The following FAM83B variants were observed in gnomAD, a reference collection of about 807,000 sequenced individuals.
FAM83B encodes the protein protein FAM83B.
In FAM83B, 26 loss-of-function variants were observed where a neutral mutation model predicts 38.8. That is an observed-to-expected ratio of 0.67 (90% CI 0.49 to 0.93). The LOEUF (loss-of-function observed/expected upper bound fraction) is 0.93. Ranked by LOEUF, FAM83B falls within the 40% of genes least tolerant of loss-of-function variation. FAM83B has a pLI of 0.00. For missense variants in FAM83B, 1,237 were observed against 1,197.3 expected (o/e 1.03, Z -0.49); for synonymous variants, 419 against 423.1 (o/e 0.99, Z 0.12).
intron 4 of FAM83B, among the ~76,000 whole-genome samples, chr6:54,938,887 T>C (rs1773586204): frequency 6.6e-6 from 1 of 152,308 alleles, no homozygotes; most frequent in East Asian, 1.9e-4. Context: ...TATTTTTCTC[T>C]GTTTTTGTTG....
intron 2 of FAM83B, among the ~76,000 whole-genome samples, chr6:54,901,356 T>TA (rs1261509909): frequency 2.6e-5 from 4 of 152,114 alleles, no homozygotes; most frequent in Admixed American, 6.6e-5. Flanking sequence ...TCTCACGATT[T>TA]AAAAAAACAA....
intron 1 of FAM83B, among the ~76,000 whole-genome samples, chr6:54,868,796 C>T (rs1771777923): frequency 6.6e-6 from 1 of 152,078 alleles, no homozygotes; most frequent in African/African-American, 2.4e-5. Flanking sequence ...AGAACATGTT[C>T]TATTTTTATT....
chr6:54,936,635 G>T (rs1392175364), intron 4 of FAM83B, among the ~76,000 whole-genome samples: 1 of 151,130 alleles, frequency 6.6e-6, no homozygotes, highest in Non-Finnish European at 1.5e-5. Flanking sequence ...TATATAGTAT[G>T]TTTTCTGTGT....
intron 2 of FAM83B, among the ~76,000 whole-genome samples, chr6:54,922,309 A>G (rs1773190041): frequency 6.6e-6 from 1 of 152,076 alleles, no homozygotes; most frequent in Non-Finnish European, 1.5e-5. Flanking sequence ...CATGTTGTAC[A>G]ATACTGTTTC....
At chr6:54,883,577 C>T (rs1772193446) in intron 2 of FAM83B, among the ~76,000 whole-genome samples, 1 of 151,702 alleles carries the variant, frequency 6.6e-6, no homozygotes, top group South Asian at 2.1e-4. Context: ...CTCAGGTGAT[C>T]TGCCCTCCTT....
At chr6:54,859,753 A>C (rs1771532549) in intron 1 of FAM83B, among the ~76,000 whole-genome samples, 1 of 152,208 alleles carries the variant, frequency 6.6e-6, no homozygotes, top group Non-Finnish European at 1.5e-5. Context: ...GTCTGTACCC[A>C]TATGGCTTTA....
At chr6:54,907,176 C>A (rs972155081) in intron 2 of FAM83B, among the ~76,000 whole-genome samples, 2 of 152,076 alleles carry the variant, frequency 1.3e-5, no homozygotes, top group Non-Finnish European at 2.9e-5. Flanking sequence ...CGTATTCCAG[C>A]CTCTTTTGTT....
At chr6:54,867,556 G>A (rs1048690786) in intron 1 of FAM83B, among the ~76,000 whole-genome samples, 2 of 151,952 alleles carry the variant, frequency 1.3e-5, no homozygotes, top group African/African-American at 2.4e-5. Flanking sequence ...TTTCTGTGTG[G>A]TATCTGGCTA....
At chr6:54,891,558 T>C (rs1389047043) in intron 2 of FAM83B, among the ~76,000 whole-genome samples, 1 of 152,302 alleles carries the variant, frequency 6.6e-6, no homozygotes, top group South Asian at 2.1e-4. Flanking sequence ...GTGGCCTGTC[T>C]TCTGAACATT....
Position 54,941,326 on chromosome 6 carries a change from G to C in FAM83B, c.2355G>C (p.Lys785Asn). ...CATTACTTAGCCTTACCCCAGATAAGAAAGAAAATCTATCCAAAAATAAAG... is the reference window on the plus strand; with the variant it reads ...CATTACTTAGCCTTACCCCAGATAACAAAGAAAATCTATCCAAAAATAAAG... ...LRSLLSLTPD[K>N]KENLSKNKAP... Residue 785 changes from lysine (K) to asparagine (N), a missense_variant, in exon 5 of 5, where the codon AAG becomes AAC. Lys to Asn is a moderately conservative substitution (Grantham distance 94). Transcript: ENST00000306858. 1 of 1,612,432 alleles carries C rather than the reference G, an allele frequency of 6.2e-7. No individual in the cohort carries two copies. The highest frequency in any genetic ancestry group is 2.2e-5 in the East Asian group (1 of 44,856).
chr6:54,883,640 G>A (rs1441199594), intron 2 of FAM83B, among the ~76,000 whole-genome samples: 1 of 151,488 alleles, frequency 6.6e-6, no homozygotes, highest in African/African-American at 2.4e-5. Context: ...CTGGCCGATT[G>A]TTTAAAACTA....
intron 2 of FAM83B, among the ~76,000 whole-genome samples, chr6:54,911,981 G>A (rs560369642): frequency 2.6e-5 from 4 of 152,046 alleles, no homozygotes; most frequent in African/African-American, 9.6e-5. Context: ...CACATTTAAT[G>A]TACTGCTCCA....
At chr6:54,905,592 A>C (rs1482111959) in intron 2 of FAM83B, among the ~76,000 whole-genome samples, 2 of 152,160 alleles carry the variant, frequency 1.3e-5, no homozygotes, top group African/African-American at 4.8e-5. Flanking sequence ...AGATCTCAAA[A>C]ATTTATTCCT....
intron 2 of FAM83B, among the ~76,000 whole-genome samples, chr6:54,895,338 T>C (rs538251493): frequency 6.6e-6 from 1 of 152,322 alleles, no homozygotes; most frequent in East Asian, 1.9e-4. Context: ...GTCTCCTCAG[T>C]CTTTATTATT....
At chr6:54,888,735 T>A (rs1476047715) in intron 2 of FAM83B, among the ~76,000 whole-genome samples, 1 of 151,392 alleles carries the variant, frequency 6.6e-6, no homozygotes, top group Non-Finnish European at 1.5e-5. Context: ...GTTTTTAAAT[T>A]TTTTTTTTCT....
At chr6:54,875,628 G>A (rs1041104674) in intron 2 of FAM83B, among the ~76,000 whole-genome samples, 18 of 152,016 alleles carry the variant, frequency 1.2e-4, no homozygotes, top group Admixed American at 3.3e-4. Context: ...CAGGGCATGA[G>A]AGGAGAAGGA....
chr6:54,917,694 C>T (rs1243136500), intron 2 of FAM83B, among the ~76,000 whole-genome samples: 1 of 151,982 alleles, frequency 6.6e-6, no homozygotes, highest in African/African-American at 2.4e-5. Context: ...TTTTAAATAG[C>T]ACCAGTGAAA....
intron 2 of FAM83B, among the ~76,000 whole-genome samples, chr6:54,906,775 A>G (rs1241126379): frequency 6.6e-6 from 1 of 152,180 alleles, no homozygotes; most frequent in East Asian, 1.9e-4. Flanking sequence ...TCTCTCAGTT[A>G]ATAGATTATT....
chr6:54,885,339 A>G (rs1433316549), intron 2 of FAM83B, among the ~76,000 whole-genome samples: 3 of 151,966 alleles, frequency 2.0e-5, no homozygotes, highest in African/African-American at 4.8e-5. Context: ...TAGGCCTCAC[A>G]TATCATTTGT....
Sources: gnomAD v4.1 joint callset for allele counts (sites outside exome capture counted in the v4.1 genomes callset) on GRCh38, gnomAD v4.1.1 for gene constraint, MANE v1.5 for transcripts, NCBI Gene and HGNC (gene_info 2026-07-23, HGNC 2026-07-21) for gene names.